The following PBX4 variants were observed in gnomAD, a reference collection of about 807,000 sequenced individuals.
PBX4 encodes pre-B-cell leukemia transcription factor 4.
A neutral mutation model predicts 35.1 loss-of-function variants in PBX4; 26 were observed. The observed-to-expected ratio is 0.74, with a 90% CI of 0.54 to 1.03. The LOEUF (loss-of-function observed/expected upper bound fraction) is 1.03, where lower values mean the gene tolerates loss of function less well. Among genes scored for constraint, PBX4 ranks in the 50% least tolerant of loss-of-function variants. The pLI is 0.00. For synonymous variants in PBX4, 199 were observed against 204.2 expected, an observed-to-expected ratio of 0.97 and a Z score of 0.22; for missense variants, 448 against 504.3, an observed-to-expected ratio of 0.89 and a Z score of 1.07.
chr19:19,568,623 GAGCTCACACTCCATCTGTATCCCTCAGGA>G, intron 5 of PBX4, among the ~76,000 whole-genome samples: 1 of 145,508 alleles, frequency 6.9e-6, no homozygotes, highest in Non-Finnish European at 1.5e-5. Context: ...ATCCCTCAAG[GAGCTCACACTCCATCTGTATCCCTCAGGA>G]AGCTCACACT....
At chr19:19,570,540 A>C in intron 3 of PBX4, 46 bp downstream of exon 3, 1 of 1,602,492 alleles carries the variant, frequency 6.2e-7, no homozygotes, top group Non-Finnish European at 8.5e-7. Context: ...TCGCTTTGAC[A>C]AATGCGCATT....
intron 1 of PBX4, among the ~76,000 whole-genome samples, chr19:19,599,970 C>T (rs1387155110): frequency 1.5e-5 from 2 of 135,170 alleles, no homozygotes; most frequent in African/African-American, 5.6e-5. Flanking sequence ...GAGACTCCAT[C>T]TCAAAAAAAA....
At chr19:19,589,567 C>T (rs1336153834) in intron 2 of PBX4, among the ~76,000 whole-genome samples, 1 of 152,002 alleles carries the variant, frequency 6.6e-6, no homozygotes, top group East Asian at 1.9e-4. Context: ...GTCAGGAGTT[C>T]GAAACCAGCC....
rs2061333414 is a variant in PBX4 at position 19,565,066 on chromosome 19, T to C, written c.792A>G (p.Lys264=). The C allele has an allele frequency of 1.2e-6, 2 of 1,614,064 alleles. No homozygotes were observed. The highest frequency in any genetic ancestry group is 1.7e-6 in the Non-Finnish European group (2 of 1,180,048). ...CCATGTTCTTTTTATACCGGATTCT[T>C]TTGTTGCCAAACCAGTTAGAGACCT... ...ISQVSNWFGN[K]RIRYKKNMGK... Residue 264 remains lysine (K), a synonymous_variant, in exon 6 of 8, where the codon AAA becomes AAG. Coordinates refer to ENST00000251203, the MANE Select transcript of PBX4 (RefSeq NM_025245.3).
At chr19:19,566,854 C>T (rs1163518062) in intron 5 of PBX4, among the ~76,000 whole-genome samples, 1 of 152,162 alleles carries the variant, frequency 6.6e-6, no homozygotes, top group African/African-American at 2.4e-5. Context: ...GGATTGCAGG[C>T]ATGTGCCACC....
chr19:19,573,334 C>T (rs1212012013), intron 2 of PBX4, among the ~76,000 whole-genome samples: 24 of 95,802 alleles, frequency 2.5e-4, no homozygotes, highest in African/African-American at 9.5e-4. Context: ...AAAATATACA[C>T]ACACACACAC....
chr19:19,599,272 G>A lies in PBX4; in HGVS notation c.193+20C>T, dbSNP rs759873099. 6 of 1,603,530 alleles carry A rather than the reference G, an allele frequency of 3.7e-6. No individual in the cohort carries two copies. In the East Asian group the frequency reaches 1.1e-4, roughly 30 times the overall value. ...ATGAGCCACCACGCTCGGCCAGAAA[G>A]TGTCTTCTAAACAGCCTACCTGTCT... is the stretch of plus-strand genomic sequence containing the variant. On this transcript the variant is annotated intron_variant, in intron 2 of 7. Transcript: ENST00000251203.
At chr19:19,581,800 T>G (rs1019737372) in intron 2 of PBX4, among the ~76,000 whole-genome samples, 2 of 152,128 alleles carry the variant, frequency 1.3e-5, no homozygotes, top group Non-Finnish European at 2.9e-5. Flanking sequence ...CTTTGGGAGC[T>G]GAGGGACTGG....
chr19:19,577,109 C>A (rs1262737425), intron 2 of PBX4, among the ~76,000 whole-genome samples: 1 of 151,762 alleles, frequency 6.6e-6, no homozygotes, highest in African/African-American at 2.4e-5. Context: ...TGCCTGTAAT[C>A]CCAGCTACTC....
In PBX4 at chr19:19,562,645, C is replaced by T. The variant is rs1221087108; in HGVS notation, c.1033-528G>A. Among the ~76,000 whole-genome samples the T allele has an allele frequency of 6.6e-6, 1 of 152,166 alleles. No homozygotes were observed. Among genetic ancestry groups the T allele is most frequent in the Non-Finnish European group, 1.5e-5 (1 of 68,028 alleles). On this transcript the variant is annotated intron_variant, in intron 7 of 7. Transcript: ENST00000251203. This position sits in a 1 kb window ranked among gnomAD's most constrained non-coding sequence, Gnocchi z 4.8. ...CTAAGACGTTTGTCCACAGGACCCA[C>T]CCCCACTATGGTGGGCACGGTACAG...
In PBX4 at chr19:19,564,959, GC is replaced by G. The variant is rs777095711; in HGVS notation, c.898del (p.Ala300ProfsTer80). The G allele has an allele frequency of 6.2e-7, 1 of 1,614,236 alleles. No homozygotes were observed. Among genetic ancestry groups the G allele is most frequent in the South Asian group, 1.1e-5 (1 of 91,090 alleles). ...GGAGCTAGGTGTTGACAGGCAGCTG[GC>G]GTGGTTCCCTGGGACCCCAACTTCC... ...TTEVGVPGNH[A>X]SCLSTPSSGS... On this transcript the variant is annotated frameshift_variant, in exon 6 of 8. Transcript: ENST00000251203. LOFTEE classifies it high-confidence loss of function.
intron 2 of PBX4, among the ~76,000 whole-genome samples, chr19:19,578,063 G>A (rs2144729204): frequency 6.9e-6 from 1 of 144,012 alleles, no homozygotes; most frequent in African/African-American, 2.6e-5. Flanking sequence ...GATGGCACAA[G>A]CCTGTAATCT....
chr19:19,604,191 T>C (rs933694514), intron 1 of PBX4, among the ~76,000 whole-genome samples: 1 of 151,660 alleles, frequency 6.6e-6, no homozygotes, highest in African/African-American at 2.4e-5. Context: ...CCATGAGAGG[T>C]TGGGCATGGT....
At chr19:19,602,868 G>C (rs1405245472) in intron 1 of PBX4, among the ~76,000 whole-genome samples, 3 of 151,974 alleles carry the variant, frequency 2.0e-5, no homozygotes, top group South Asian at 2.1e-4. Flanking sequence ...CCAATCAAAA[G>C]CCCACATTCC....
chr19:19,592,494 C>G (rs574904740), intron 2 of PBX4, among the ~76,000 whole-genome samples: 9 of 152,254 alleles, frequency 5.9e-5, no homozygotes, highest in African/African-American at 2.2e-4. Flanking sequence ...TTTGAGGGAC[C>G]TGCCTGCATA....
In PBX4 at chr19:19,563,718, CCTCCTCAGCATCCGGCCT is replaced by C; in HGVS notation, c.926-121_926-104del. 1 of 971,690 alleles carries C rather than the reference CCTCCTCAGCATCCGGCCT, an allele frequency of 1.0e-6. No homozygotes were observed. The highest frequency in any genetic ancestry group is 1.6e-6 in the Non-Finnish European group (1 of 624,230). 60.2% of individuals were successfully genotyped at this position (971,690 alleles called of 1,614,324 possible). ...GGAGGCCTCGAATGTGGCTCCTGCC[CCTCCTCAGCATCCGGCCT>C]CTGCTCCTCAGCCCCCACCCAGGCA... is the stretch of plus-strand genomic sequence containing the variant. On this transcript the variant is annotated intron_variant, in intron 6 of 7. Coordinates refer to ENST00000251203, the MANE Select transcript of PBX4 (RefSeq NM_025245.3). This position sits in a 1 kb window ranked among gnomAD's most constrained non-coding sequence, Gnocchi z 5.1.
At chr19:19,594,097 A>T (rs531017411) in intron 2 of PBX4, among the ~76,000 whole-genome samples, 11 of 148,656 alleles carry the variant, frequency 7.4e-5, no homozygotes, top group Middle Eastern at 3.4e-3. Context: ...AAAAAAAAAA[A>T]AATAAAAAAT....
chr19:19,600,574 T>G (rs1346825618), intron 1 of PBX4, among the ~76,000 whole-genome samples: 2 of 150,436 alleles, frequency 1.3e-5, no homozygotes, highest in African/African-American at 2.4e-5. Context: ...ATCCCAGCAC[T>G]TTGGGCGGCC....
chr19:19,571,473 G>A (rs1361007705), intron 2 of PBX4, among the ~76,000 whole-genome samples: 1 of 152,216 alleles, frequency 6.6e-6, no homozygotes, highest in Admixed American at 6.5e-5. Flanking sequence ...CTGCAGAGAG[G>A]GGACCTGGAT....
Sources: gnomAD v4.1 joint callset for allele counts (sites outside exome capture counted in the v4.1 genomes callset) on GRCh38, gnomAD v4.1.1 for gene constraint, Gnocchi (gnomAD v3.1) non-coding constraint, MANE v1.5 for transcripts, NCBI Gene and HGNC (gene_info 2026-07-23, HGNC 2026-07-21) for gene names.